WNK1: variants seen among roughly 807,000 people sequenced by gnomAD.
The protein encoded by WNK1 is serine/threonine-protein kinase WNK1.
In WNK1, 38 loss-of-function variants were observed where a neutral mutation model predicts 222.8. That is an observed-to-expected ratio of 0.17 (90% CI 0.13 to 0.22). The LOEUF is 0.22. WNK1 is among the 10% of genes least tolerant of loss of function. The pLI is 1.00. For missense variants in WNK1, 2,348 were observed against 2,918.4 expected, an observed-to-expected ratio of 0.80 and a Z score of 4.50; for synonymous variants, 1,090 against 1,092.9, an observed-to-expected ratio of 1.00 and a Z score of 0.05.
At chr12:818,574 A>C (rs1158478933) in intron 2 of WNK1, among the ~76,000 whole-genome samples, 2 of 152,196 alleles carry the variant, frequency 1.3e-5, no homozygotes, top group African/African-American at 4.8e-5. Context: ...ATTTCTGTGC[A>C]ATTTCTAGAA....
intron 27 of WNK1, 172 bp from the exon 28 acceptor site, chr12:908,303 C>A (rs1274807664): frequency 1.3e-6 from 1 of 785,710 alleles, no homozygotes; most frequent in Non-Finnish European, 2.1e-6. Flanking sequence ...TGACATCCCT[C>A]CCTCTCATGA....
intron 1 of WNK1, among the ~76,000 whole-genome samples, chr12:767,327 A>G (rs12424624): frequency 7.6e-6 from 1 of 130,852 alleles, no homozygotes; most frequent in African/African-American, 3.0e-5. Context: ...GTCTTGGCTC[A>G]CTGCAACCTA....
chr12:896,927 C>T (rs1954793954), intron 24 of WNK1, among the ~76,000 whole-genome samples, 195 bp downstream of exon 24: 1 of 91,040 alleles, frequency 1.1e-5, no homozygotes, highest in South Asian at 3.3e-4. Flanking sequence ...CACACACACA[C>T]ACACACACAC....
intron 4 of WNK1, among the ~76,000 whole-genome samples, chr12:838,464 G>T (rs1949372073): frequency 6.6e-6 from 1 of 151,948 alleles, no homozygotes; most frequent in South Asian, 2.1e-4. Flanking sequence ...ACCCAGACTG[G>T]AGTGCAGTGG....
chr12:905,796 T>A (rs1010081200), intron 26 of WNK1, among the ~76,000 whole-genome samples: 3 of 152,216 alleles, frequency 2.0e-5, no homozygotes, highest in Non-Finnish European at 2.9e-5. Context: ...TTTCCTGTAC[T>A]GTAGGGAGCT....
intron 10 of WNK1, 104 bp from the exon 11 acceptor site, chr12:879,469 C>CTTCTTTTTTGCTAATACATAAAT: frequency 1.8e-6 from 1 of 564,208 alleles, no homozygotes; most frequent in Non-Finnish European, 2.6e-6. Flanking sequence ...TTTGTTTTTT[C>CTTCTTTTTTGCTAATACATAAAT]CTTCTTTTTG....
At chr12:868,739 C>CCT (rs1180958661) in intron 8 of WNK1, 1 of 1,613,940 alleles carries the variant, frequency 6.2e-7, no homozygotes, top group Non-Finnish European at 8.5e-7. Flanking sequence ...AGAAGAACTG[C>CCT]CTCCTCAATC....
intron 26 of WNK1, among the ~76,000 whole-genome samples, chr12:907,173 T>A (rs1452932362): frequency 6.6e-6 from 1 of 151,738 alleles, no homozygotes; most frequent in Non-Finnish European, 1.5e-5. Flanking sequence ...ATACAAAAAT[T>A]AACTGGGCAT....
chr12:812,450 A>G (rs117946341), intron 1 of WNK1, among the ~76,000 whole-genome samples: 1,818 of 152,322 alleles, frequency 0.012, 14 homozygotes, highest in Non-Finnish European at 0.017. Context: ...TCATGACAAA[A>G]AGCCTCTGAG....
chr12:906,635 G>C (rs1014572866), intron 26 of WNK1: 1 of 985,118 alleles, frequency 1.0e-6, no homozygotes, highest in African/African-American at 1.7e-5. Flanking sequence ...ATGGGAAATT[G>C]GGAGAGGTTA....
intron 26 of WNK1, among the ~76,000 whole-genome samples, chr12:907,103 T>A (rs1210556532): frequency 6.8e-6 from 1 of 147,310 alleles, no homozygotes; most frequent in African/African-American, 2.5e-5. Flanking sequence ...GCGGATCACC[T>A]GAGGTCAGGA....
Position 894,590 on chromosome 12 carries a change from A to G in WNK1, c.5538A>G (p.Leu1846=). ...CTCAAGTCAAAGAAGGCCCTGTCCT[A>G]GCAACTAGTTCAGGAGCTGGTGTTT... ...GVSQVKEGPV[L]ATSSGAGVFK... is the part of the protein sequence containing the mutation. Residue 1846 remains leucine (L), a synonymous_variant, in exon 23 of 28, where the codon CTA becomes CTG. Transcript: ENST00000315939. 1 of 1,614,028 alleles carries G rather than the reference A, an allele frequency of 6.2e-7. No homozygotes were observed. Among genetic ancestry groups the G allele is most frequent in the South Asian group, 1.1e-5 (1 of 91,070 alleles).
Position 907,987 on chromosome 12 carries a change from A to C in WNK1, c.6784A>C (p.Met2262Leu). ...KLVDNWARDA[M>L]NLSGRRGSKG... is the part of the protein sequence containing the mutation. ...GGTAGACAATTGGGCCCGAGATGCC[A>C]TGAATCTCTCAGGCAGGAGAGGAAG... Residue 2262 changes from methionine to leucine, a missense_variant, in exon 27 of 28, where the codon ATG (methionine) becomes CTG (leucine). Transcript: ENST00000315939. The C allele has an allele frequency of 6.2e-7, 1 of 1,614,206 alleles. No individual in the cohort carries two copies. The highest frequency in any genetic ancestry group is 8.5e-7 in the Non-Finnish European group (1 of 1,180,040).
At chr12:792,889 A>G (rs1472602294) in intron 1 of WNK1, among the ~76,000 whole-genome samples, 2 of 151,998 alleles carry the variant, frequency 1.3e-5, no homozygotes, top group African/African-American at 4.8e-5. Context: ...GTTCTTAATC[A>G]GGTCTAGTGA....
intron 26 of WNK1, chr12:901,483 C>G: frequency 9.4e-7 from 1 of 1,060,168 alleles, no homozygotes. Context: ...CCACTCCAGC[C>G]TCAAGTTTCT....
chr12:847,401 G>C (rs2154051484), intron 4 of WNK1, among the ~76,000 whole-genome samples: 1 of 152,292 alleles, frequency 6.6e-6, no homozygotes, highest in Non-Finnish European at 1.5e-5. Context: ...TACCCTGAAA[G>C]AAGCATAAGA....
In WNK1 at chr12:827,087, C is replaced by T. The variant is rs1406280473; in HGVS notation, c.978C>T (p.Ser326=). Reference sequence around the variant, plus strand: ...TGATGAAGATCAAAGTTCTAAGAAGCTGGTGCCGTCAGATCCTTAAAGGTC... The same window carrying T: ...TGATGAAGATCAAAGTTCTAAGAAGTTGGTGCCGTCAGATCCTTAAAGGTC... ...FKVMKIKVLR[S]WCRQILKGLQ... is the part of the protein sequence containing the mutation. The change falls in exon 3 of 28, where the codon AGC becomes AGT. Residue 326 remains serine (S), a synonymous_variant. Transcript: ENST00000315939. The surrounding 1 kb of genome is among the most constrained non-coding windows in gnomAD (Gnocchi z 4.6). 7 of 1,614,054 alleles carry T rather than the reference C, an allele frequency of 4.3e-6. No homozygotes were observed. The highest frequency in any genetic ancestry group is 5.9e-6 in the Non-Finnish European group (7 of 1,180,030).
intron 26 of WNK1, chr12:904,498 A>G: frequency 1.6e-6 from 2 of 1,289,072 alleles, no homozygotes; most frequent in Non-Finnish European, 2.0e-6. Flanking sequence ...CTCTGTAGTA[A>G]TTATCTTTTC....
At chr12:766,968 G>C (rs940079991) in intron 1 of WNK1, among the ~76,000 whole-genome samples, 2 of 151,984 alleles carry the variant, frequency 1.3e-5, no homozygotes, top group African/African-American at 4.8e-5. Flanking sequence ...GTAGAGACAG[G>C]GTTTCAACAT....
Sources: gnomAD v4.1 joint callset for allele counts (sites outside exome capture counted in the v4.1 genomes callset) on GRCh38, gnomAD v4.1.1 for gene constraint, Gnocchi (gnomAD v3.1) non-coding constraint, MANE v1.5 for transcripts, NCBI Gene and HGNC (gene_info 2026-07-23, HGNC 2026-07-21) for gene names.